The following MATN2 variants were observed in gnomAD, a reference collection of about 807,000 sequenced individuals.
The protein encoded by MATN2 is matrilin 2.
A neutral mutation model predicts 103.2 loss-of-function variants in MATN2; 69 were observed. The observed-to-expected ratio is 0.67, with a 90% CI of 0.55 to 0.82. The LOEUF is 0.82. Ranked by LOEUF, MATN2 falls within the 40% of genes least tolerant of loss-of-function variation. MATN2 has a pLI of 0.00. For synonymous variants in MATN2, 429 were observed against 450.2 expected, an observed-to-expected ratio of 0.95 and a Z score of 0.60; for missense variants, 1,023 against 1,211.5, an observed-to-expected ratio of 0.84 and a Z score of 2.31.
intron 2 of MATN2, among the ~76,000 whole-genome samples, chr8:97,924,537 A>T (rs1449847358): frequency 6.6e-6 from 1 of 152,038 alleles, no homozygotes; most frequent in South Asian, 2.1e-4. Context: ...ACAGCCCCTC[A>T]AAGATCGGTG....
chr8:98,027,559 C>T lies in MATN2; in HGVS notation c.2086C>T (p.Leu696=). 6.2e-7 allele frequency: 1 copy of T among 1,613,932 alleles called. No homozygotes were observed. Among genetic ancestry groups the T allele is most frequent in the Non-Finnish European group, 8.5e-7 (1 of 1,179,876 alleles). ...TTCCCCCAAAGCCGCTCGAGTGGGG[C>T]TGCTCCAGTATTCCACACAGGTCCA... ...TISPKAARVG[L]LQYSTQVHTE... The change falls in exon 14 of 19, where the codon CTG becomes TTG. Residue 696 remains leucine, a synonymous_variant. Coordinates refer to ENST00000254898, the MANE Select transcript of MATN2 (RefSeq NM_002380.5).
At chr8:97,884,789 A>G (rs1818372435) in intron 1 of MATN2, among the ~76,000 whole-genome samples, 1 of 152,118 alleles carries the variant, frequency 6.6e-6, no homozygotes, top group South Asian at 2.1e-4. Context: ...CAACAACAAC[A>G]ACAACAACAC....
At chr8:97,901,309 G>C (rs578245114) in intron 2 of MATN2, among the ~76,000 whole-genome samples, 2 of 152,028 alleles carry the variant, frequency 1.3e-5, no homozygotes, top group Admixed American at 6.5e-5. Context: ...CTGGAGTGCA[G>C]TGGTGTGTTC....
intron 13 of MATN2, among the ~76,000 whole-genome samples, chr8:98,027,127 A>G (rs976241361): frequency 6.6e-6 from 1 of 152,126 alleles, no homozygotes; most frequent in African/African-American, 2.4e-5. Context: ...CAGACCTGTC[A>G]GTGTTCCAGG....
rs548687976 is a variant in MATN2 at position 97,871,424 on chromosome 8, G to A, written c.-27+2137G>A. On this transcript the variant is annotated intron_variant, in intron 1 of 18. Transcript: ENST00000254898. ...TGTTGGGTATGAGGCTGGGCAAGCA[G>A]TAGGAGAGGTGAGTGGTTTAAGACC... Among the ~76,000 whole-genome samples the A allele has an allele frequency of 3.9e-5, 6 of 152,322 alleles. No individual in the cohort carries two copies. In the South Asian group the frequency reaches 1.2e-3, roughly 32 times the overall value.
At chr8:97,896,951 G>A (rs1342012338) in intron 2 of MATN2, among the ~76,000 whole-genome samples, 2 of 151,698 alleles carry the variant, frequency 1.3e-5, no homozygotes, top group East Asian at 1.9e-4. Context: ...AACACAGTAG[G>A]GCTGGGCATT....
chr8:98,027,939 G>C, intron 14 of MATN2, 110 bp downstream of exon 14: 1 of 1,127,032 alleles, frequency 8.9e-7, no homozygotes, highest in East Asian at 2.6e-5. Flanking sequence ...GTACAGAAAG[G>C]CCTCCTGGCA....
intron 4 of MATN2, among the ~76,000 whole-genome samples, chr8:97,947,608 A>G (rs546362344): frequency 1.3e-5 from 2 of 152,032 alleles, no homozygotes; most frequent in Non-Finnish European, 2.9e-5. Flanking sequence ...AGATTAATTT[A>G]AAAAAAACCT....
At chr8:97,883,776 G>A (rs1458457732) in intron 1 of MATN2, among the ~76,000 whole-genome samples, 13 of 152,002 alleles carry the variant, frequency 8.6e-5, no homozygotes, top group Admixed American at 4.6e-4. Context: ...GGATGGTCTC[G>A]ATCTCCTGAC....
chr8:97,941,363 T>A (rs1291437457), intron 3 of MATN2, among the ~76,000 whole-genome samples: 2 of 152,152 alleles, frequency 1.3e-5, no homozygotes, highest in Non-Finnish European at 2.9e-5. Flanking sequence ...TTTAACACAT[T>A]CTTGCTTATT....
At position 97,931,511 on chromosome 8, in the gene MATN2, AG is replaced by A; in HGVS notation, c.702del (p.Lys235SerfsTer61). On this transcript the variant is annotated frameshift_variant, in exon 3 of 19. Transcript: ENST00000254898. LOFTEE classifies it high-confidence loss of function. The surrounding 1 kb of genome is among the most constrained non-coding windows in gnomAD (Gnocchi z 4.1). ...QIETLTSVFQ[K>X]KLCTAHMCST... Reference sequence around the variant, plus strand: ...GAGACGCTGACCTCCGTGTTCCAGAAGAAGTTGTGCAGTAAGTCCTGCTCCT... The same window carrying A: ...GAGACGCTGACCTCCGTGTTCCAGAAAAGTTGTGCAGTAAGTCCTGCTCCT... 6.2e-7 allele frequency: 1 copy of A among 1,606,588 alleles called. No individual in the cohort carries two copies. The highest frequency in any genetic ancestry group is 8.5e-7 in the Non-Finnish European group (1 of 1,176,714).
chr8:98,009,790 C>T (rs1383932321), intron 10 of MATN2, among the ~76,000 whole-genome samples: 1 of 152,176 alleles, frequency 6.6e-6, no homozygotes, highest in Non-Finnish European at 1.5e-5. Flanking sequence ...GCGCAGACTC[C>T]TTCCCTCTCT....
At chr8:98,014,306 A>C (rs1342393621) in intron 10 of MATN2, among the ~76,000 whole-genome samples, 3 of 151,706 alleles carry the variant, frequency 2.0e-5, no homozygotes, top group African/African-American at 7.3e-5. Flanking sequence ...GGAAAAAAAA[A>C]CACCTCACCT....
chr8:97,971,408 G>A (rs555198259), intron 5 of MATN2, among the ~76,000 whole-genome samples: 1 of 152,204 alleles, frequency 6.6e-6, no homozygotes, highest in South Asian at 2.1e-4. Flanking sequence ...TTGAGTAAGT[G>A]GAACGTTCAA....
At chr8:97,905,526 G>T (rs1297135693) in intron 2 of MATN2, among the ~76,000 whole-genome samples, 1 of 151,950 alleles carries the variant, frequency 6.6e-6, no homozygotes, top group Non-Finnish European at 1.5e-5. Flanking sequence ...TGTTTTCAAG[G>T]TTCATCCATG....
At chr8:97,908,160 G>A (rs188889000) in intron 2 of MATN2, among the ~76,000 whole-genome samples, 1 of 152,276 alleles carries the variant, frequency 6.6e-6, no homozygotes, top group East Asian at 1.9e-4. Flanking sequence ...AGTTGGCTGA[G>A]GCAGGAGAAT....
intron 13 of MATN2, chr8:98,025,379 T>C (rs1316430849): frequency 5.6e-6 from 1 of 180,128 alleles, no homozygotes; most frequent in African/African-American, 2.4e-5. Context: ...TATATTGTTG[T>C]GCCTCACTTT....
chr8:97,956,107 G>A (rs186140899), intron 4 of MATN2, among the ~76,000 whole-genome samples: 18 of 152,336 alleles, frequency 1.2e-4, no homozygotes, highest in Admixed American at 3.9e-4. Context: ...TTACGCCTCC[G>A]TGACTGCTCC....
At chr8:97,976,104 A>G (rs1263998250) in intron 5 of MATN2, among the ~76,000 whole-genome samples, 2 of 151,982 alleles carry the variant, frequency 1.3e-5, no homozygotes, top group African/African-American at 4.8e-5. Flanking sequence ...AGCTGAAGTT[A>G]CAAAAACAAT....
Sources: allele counts gnomAD v4.1 joint callset (sites outside exome capture counted in the v4.1 genomes callset), GRCh38; gene constraint gnomAD v4.1.1; non-coding constraint Gnocchi (gnomAD v3.1); transcripts MANE v1.5; gene names NCBI Gene and HGNC (gene_info 2026-07-23, HGNC 2026-07-21).